Variants in DYNLT5 observed in about 807,000 individuals in gnomAD.
The protein encoded by DYNLT5 is dynein light chain Tctex-type 5.
A neutral mutation model predicts 19.3 loss-of-function variants in DYNLT5; 25 were observed. That is an observed-to-expected ratio of 1.30 (90% CI 0.95 to 1.81). The LOEUF is 1.81. DYNLT5 is among the 40% of genes most tolerant of loss of function. The pLI, the probability that DYNLT5 is intolerant of heterozygous loss-of-function variation, is 0.00. For missense variants in DYNLT5, 232 were observed against 217.9 expected, an observed-to-expected ratio of 1.06 and a Z score of -0.41; for synonymous variants, 82 against 68.9, an observed-to-expected ratio of 1.19 and a Z score of -0.94.
chr1:66,757,670 G>A (rs1208724115), intron 2 of DYNLT5, among the ~76,000 whole-genome samples: 3 of 151,992 alleles, frequency 2.0e-5, no homozygotes, highest in Non-Finnish European at 4.4e-5. Flanking sequence ...GGGCCCTTGC[G>A]ATGAACCTTA....
intron 3 of DYNLT5, among the ~76,000 whole-genome samples, chr1:66,773,195 T>A (rs888504676): frequency 6.6e-6 from 1 of 152,178 alleles, no homozygotes; most frequent in Non-Finnish European, 1.5e-5. Flanking sequence ...ACCTGGTTGT[T>A]TGCAAACATG....
At chr1:66,773,594 T>A (rs965017793) in intron 3 of DYNLT5, among the ~76,000 whole-genome samples, 1 of 152,204 alleles carries the variant, frequency 6.6e-6, no homozygotes, top group Non-Finnish European at 1.5e-5. Flanking sequence ...GAGTGTTTTA[T>A]TGTGTGACAA....
At chr1:66,769,023 C>T (rs1245309421) in intron 2 of DYNLT5, among the ~76,000 whole-genome samples, 1 of 152,096 alleles carries the variant, frequency 6.6e-6, no homozygotes, top group Admixed American at 6.6e-5. Flanking sequence ...TTAAAAGTAG[C>T]ATATATAGTA....
Position 66,764,194 on chromosome 1 carries a change from A to G in DYNLT5, c.120-6193A>G, listed in dbSNP as rs116572567. Among the ~76,000 whole-genome samples, 886 of 152,348 alleles carry G rather than the reference A, an allele frequency of 5.8e-3. 10 individuals carry two copies. The highest frequency in any genetic ancestry group is 0.02 in the African/African-American group (843 of 41,574). ...CAAAGCGAGATTCTGTCTCAAAAAA[A>G]AACAAAAACAAACAAACAAAAAATC... On this transcript the variant is annotated intron_variant, in intron 2 of 4. Transcript: ENST00000282670.
intron 2 of DYNLT5, among the ~76,000 whole-genome samples, chr1:66,767,764 A>G (rs1478671485): frequency 2.0e-5 from 3 of 152,198 alleles, no homozygotes; most frequent in Non-Finnish European, 4.4e-5. Context: ...CTGCAAGGTC[A>G]CCTCAAGACC....
intron 3 of DYNLT5, among the ~76,000 whole-genome samples, chr1:66,773,817 C>T (rs932027366): frequency 3.3e-5 from 5 of 151,438 alleles, no homozygotes; most frequent in African/African-American, 1.2e-4. Flanking sequence ...TTCTAAAACA[C>T]GTTTTTTCTC....
chr1:66,755,872 A>G (rs887192758), intron 2 of DYNLT5: 2 of 152,184 alleles, frequency 1.3e-5, no homozygotes, highest in African/African-American at 2.4e-5. Flanking sequence ...ATTATTTAAA[A>G]CTGATTGTTG....
chr1:66,769,343 T>C (rs1645187991), intron 2 of DYNLT5, among the ~76,000 whole-genome samples: 1 of 152,288 alleles, frequency 6.6e-6, no homozygotes, highest in East Asian at 1.9e-4. Context: ...TAAAAATAGA[T>C]TACCCGTGAT....
At chr1:66,760,152 C>G (rs953386277) in intron 2 of DYNLT5, among the ~76,000 whole-genome samples, 2 of 152,166 alleles carry the variant, frequency 1.3e-5, no homozygotes, top group Non-Finnish European at 2.9e-5. Flanking sequence ...TTAACCTGCT[C>G]TATTTTTTCT....
Position 66,770,385 on chromosome 1 carries a change from A to T in DYNLT5, c.120-2A>T. The T allele has an allele frequency of 6.2e-7, 1 of 1,603,392 alleles. No individual in the cohort carries two copies. The highest frequency in any genetic ancestry group is 8.5e-7 in the Non-Finnish European group (1 of 1,172,348). ...AAAATTTGTTTTCTCCCTTGTTTTT[A>T]GTTCTATGAGTACTGTGTCTTATAT... On this transcript the variant is annotated splice_acceptor_variant, in intron 2 of 4. Coordinates refer to ENST00000282670, the MANE Select transcript of DYNLT5 (RefSeq NM_152665.3). LOFTEE classifies it high-confidence loss of function.
intron 2 of DYNLT5, among the ~76,000 whole-genome samples, chr1:66,766,889 A>T (rs1557872518): frequency 6.6e-6 from 1 of 152,200 alleles, no homozygotes; most frequent in East Asian, 1.9e-4. Context: ...CATGATAAGA[A>T]TTTCCAGGCT....
intron 2 of DYNLT5, among the ~76,000 whole-genome samples, chr1:66,763,124 A>G (rs983983596): frequency 1.3e-5 from 2 of 152,244 alleles, no homozygotes; most frequent in East Asian, 3.8e-4. Context: ...ATCTTCTTGT[A>G]CATCTCCATC....
At chr1:66,752,860 C>A (rs1557868462) in intron 1 of DYNLT5, among the ~76,000 whole-genome samples, 2 of 152,212 alleles carry the variant, frequency 1.3e-5, no homozygotes, top group Non-Finnish European at 2.9e-5. Context: ...TGACCCGGGG[C>A]GGTCTTCCTG....
At chr1:66,769,866 T>C (rs1645193546) in intron 2 of DYNLT5, among the ~76,000 whole-genome samples, 1 of 152,188 alleles carries the variant, frequency 6.6e-6, no homozygotes, top group Non-Finnish European at 1.5e-5. Flanking sequence ...CTCTACCACG[T>C]AGATGAGTTT....
At chr1:66,770,499 C>A in intron 3 of DYNLT5, 21 bp downstream of exon 3, 2 of 1,560,534 alleles carry the variant, frequency 1.3e-6, no homozygotes, top group Non-Finnish European at 1.8e-6. Flanking sequence ...TTATCTCTCA[C>A]TCCTATTTTA....
chr1:66,754,306 G>A (rs2150857301), intron 1 of DYNLT5, among the ~76,000 whole-genome samples: 1 of 152,184 alleles, frequency 6.6e-6, no homozygotes, highest in East Asian at 1.9e-4. Context: ...ACATTTGGGG[G>A]GCAATACAAA....
At chr1:66,776,888 G>A (rs471093) in intron 4 of DYNLT5, among the ~76,000 whole-genome samples, 58,950 of 151,890 alleles carry the variant, frequency 0.39, 12,178 homozygotes, top group Middle Eastern at 0.53. Flanking sequence ...CCAGATGTAT[G>A]GTTTCTTAAT....
At chr1:66,775,315 A>G (rs971842903) in intron 3 of DYNLT5, 1 of 152,256 alleles carries the variant, frequency 6.6e-6, no homozygotes, top group African/African-American at 2.4e-5. Flanking sequence ...GATTCACCTC[A>G]GAGATCTATT....
intron 2 of DYNLT5, among the ~76,000 whole-genome samples, chr1:66,759,372 G>C (rs1389003689): frequency 2.0e-5 from 3 of 152,086 alleles, no homozygotes; most frequent in African/African-American, 7.2e-5. Context: ...AAAGATTTCT[G>C]AAAGAAGATC....
Sources: gnomAD v4.1 joint callset for allele counts (sites outside exome capture counted in the v4.1 genomes callset) on GRCh38, gnomAD v4.1.1 for gene constraint, MANE v1.5 for transcripts, NCBI Gene and HGNC (gene_info 2026-07-23, HGNC 2026-07-21) for gene names.